FBXO25: variants seen among roughly 807,000 people sequenced by gnomAD.
FBXO25 encodes F-box only protein 25.
A neutral mutation model predicts 51.9 loss-of-function variants in FBXO25; 45 were observed. The observed-to-expected ratio is 0.87, with a 90% CI of 0.68 to 1.11. The LOEUF is 1.11. FBXO25 is among the 50% of genes most tolerant of loss of function. FBXO25 has a pLI of 0.00. For missense variants in FBXO25, 507 were observed against 428.5 expected (o/e 1.18, Z -1.62); for synonymous variants, 199 against 151.0 (o/e 1.32, Z -2.33).
chr8:417,712 A>G (rs1477011715), intron 2 of FBXO25, among the ~76,000 whole-genome samples: 3 of 152,070 alleles, frequency 2.0e-5, no homozygotes, highest in Non-Finnish European at 4.4e-5. Flanking sequence ...CTCCACTTGT[A>G]TTTCCTGGAA....
chr8:408,148 A>T (rs1796275755), intron 1 of FBXO25, among the ~76,000 whole-genome samples: 3 of 152,204 alleles, frequency 2.0e-5, no homozygotes, highest in Admixed American at 2.0e-4. Flanking sequence ...GCCATTTTTT[A>T]AAATGTCCTT....
chr8:455,342 G>A (rs755674859), intron 7 of FBXO25, among the ~76,000 whole-genome samples: 1 of 152,220 alleles, frequency 6.6e-6, no homozygotes, highest in Non-Finnish European at 1.5e-5. Flanking sequence ...AGCAGTGACA[G>A]TGAAATGGGA....
chr8:416,595 C>T (rs1796817209), intron 2 of FBXO25, among the ~76,000 whole-genome samples: 1 of 152,162 alleles, frequency 6.6e-6, no homozygotes, highest in South Asian at 2.1e-4. Flanking sequence ...AAGGACACAG[C>T]TTTCCCCACC....
intron 2 of FBXO25, among the ~76,000 whole-genome samples, chr8:430,276 A>T (rs1247761434): frequency 6.6e-6 from 1 of 152,242 alleles, no homozygotes; most frequent in Non-Finnish European, 1.5e-5. Context: ...ACAAAATACA[A>T]ACATCAACAC....
In FBXO25 at chr8:474,565, G is replaced by A. The variant is rs1800586265; in HGVS notation, c.*5761G>A. 8.5e-6 allele frequency: 3 copies of A among 352,204 alleles called. No individual in the cohort carries two copies. Among genetic ancestry groups the A allele is most frequent in the Non-Finnish European group, 1.1e-5 (2 of 182,954 alleles). The allele number at this position is 352,204 out of a possible 1,614,324, so 21.8% of individuals were successfully genotyped here. On this transcript the variant is annotated 3_prime_UTR_variant, in exon 10 of 10. Coordinates refer to ENST00000350302, the MANE Select transcript of FBXO25 (RefSeq NM_183420.2). ...TTGCCAACACCTGTTTTTAATAATT[G>A]CCATCCTAATGAGTGTGAAGTGGTA...
intron 2 of FBXO25, among the ~76,000 whole-genome samples, chr8:427,202 C>A (rs1797542411): frequency 1.3e-5 from 2 of 151,972 alleles, no homozygotes; most frequent in Admixed American, 6.6e-5. Flanking sequence ...ATTGTAGCTC[C>A]CTTCCGGGGA....
chr8:436,286 A>G (rs1798098432), intron 5 of FBXO25, among the ~76,000 whole-genome samples: 2 of 152,184 alleles, frequency 1.3e-5, no homozygotes, highest in African/African-American at 4.8e-5. Flanking sequence ...ATTAATTACT[A>G]TGTGGTTTAT....
chr8:417,478 G>A (rs1796878872), intron 2 of FBXO25, among the ~76,000 whole-genome samples: 1 of 152,234 alleles, frequency 6.6e-6, no homozygotes, highest in African/African-American at 2.4e-5. Flanking sequence ...AATGTGTATG[G>A]TGCAGTAAGA....
intron 7 of FBXO25, among the ~76,000 whole-genome samples, chr8:452,096 C>T (rs1420053447): frequency 6.6e-6 from 1 of 152,168 alleles, no homozygotes; most frequent in African/African-American, 2.4e-5. Context: ...AATGATTCTG[C>T]AGATTGCACT....
chr8:462,803 C>T (rs1204231285), intron 8 of FBXO25, among the ~76,000 whole-genome samples: 1 of 152,138 alleles, frequency 6.6e-6, no homozygotes, highest in Non-Finnish European at 1.5e-5. Flanking sequence ...TCACTGCATA[C>T]TTCTCCAGTG....
intron 2 of FBXO25, among the ~76,000 whole-genome samples, chr8:425,914 T>C (rs1428579102): frequency 2.0e-5 from 3 of 151,954 alleles, no homozygotes; most frequent in Admixed American, 1.3e-4. Context: ...TTTTTCCACT[T>C]TTATCCTAAT....
intron 5 of FBXO25, among the ~76,000 whole-genome samples, chr8:446,892 C>G (rs1798768503): frequency 6.6e-6 from 1 of 151,808 alleles, no homozygotes; most frequent in Non-Finnish European, 1.5e-5. Flanking sequence ...TTCTGGAAAT[C>G]AAGAAAGGCT....
chr8:455,587 T>C (rs1044926687), intron 7 of FBXO25, among the ~76,000 whole-genome samples: 3 of 152,244 alleles, frequency 2.0e-5, no homozygotes, highest in Admixed American at 6.5e-5. Flanking sequence ...CTGTTTTTTT[T>C]CTGTGTAAAA....
chr8:424,626 T>C (rs775555629), intron 2 of FBXO25, among the ~76,000 whole-genome samples: 39 of 152,252 alleles, frequency 2.6e-4, no homozygotes, highest in Middle Eastern at 3.2e-3. Flanking sequence ...GGATGGTCTT[T>C]TTCCACTGCT....
At chr8:407,469 C>G in intron 1 of FBXO25, 5 of 979,930 alleles carry the variant, frequency 5.1e-6, no homozygotes, top group Non-Finnish European at 6.1e-6. Context: ...GAGCTGCGGG[C>G]GAGTCGGGTG....
intron 5 of FBXO25, among the ~76,000 whole-genome samples, chr8:442,509 G>A (rs1485469310): frequency 6.6e-6 from 1 of 151,780 alleles, no homozygotes; most frequent in African/African-American, 2.4e-5. Context: ...TCGCTTTGTC[G>A]CCCAGGCTGG....
At chr8:433,125 TTGCATG>T (rs1263206801) in intron 4 of FBXO25, among the ~76,000 whole-genome samples, 190 bp downstream of exon 4, 4 of 152,204 alleles carry the variant, frequency 2.6e-5, no homozygotes, top group Admixed American at 6.5e-5. Context: ...TTGTGTGTGC[TTGCATG>T]TGCATGTGGT....
At chr8:431,314 T>C (rs778307022) in intron 2 of FBXO25, 27 bp from the exon 3 acceptor site, 4 of 1,241,598 alleles carry the variant, frequency 3.2e-6, no homozygotes, top group Non-Finnish European at 4.5e-6. Context: ...TGAAAAAATA[T>C]TTTAATAGAA....
intron 2 of FBXO25, among the ~76,000 whole-genome samples, chr8:413,845 G>T (rs1360934358): frequency 2.6e-5 from 4 of 152,188 alleles, no homozygotes; most frequent in Non-Finnish European, 5.9e-5. Flanking sequence ...GATGCTGGGG[G>T]TTGTGGCCCA....
Sources: allele counts gnomAD v4.1 joint callset (sites outside exome capture counted in the v4.1 genomes callset), GRCh38; gene constraint gnomAD v4.1.1; transcripts MANE v1.5; gene names NCBI Gene and HGNC (gene_info 2026-07-23, HGNC 2026-07-21).